The following FBXO10 variants were observed in gnomAD, a reference collection of about 807,000 sequenced individuals.
The protein encoded by FBXO10 is F-box protein 10.
In FBXO10, 39 loss-of-function variants were observed where a neutral mutation model predicts 80.7. The observed-to-expected ratio is 0.48, with a 90% CI of 0.37 to 0.63. The LOEUF (loss-of-function observed/expected upper bound fraction) is 0.63, where lower values mean the gene tolerates loss of function less well. Among genes scored for constraint, FBXO10 ranks in the 30% least tolerant of loss-of-function variants. FBXO10 has a pLI of 0.00. For missense variants in FBXO10, 1,025 were observed against 1,269.0 expected (o/e 0.81, Z 2.92); for synonymous variants, 449 against 489.6 (o/e 0.92, Z 1.09).
At position 37,516,968 on chromosome 9, in the gene FBXO10, A is replaced by AAC. The variant is rs570291597; in HGVS notation, c.2515-884_2515-883insGT. 2.9e-3 allele frequency among the ~76,000 whole-genome samples: 438 copies of AAC among 151,780 alleles called. 3 individuals carry two copies. Among genetic ancestry groups the AAC allele is most frequent in the African/African-American group, 9.1e-3 (377 of 41,334 alleles). On this transcript the variant is annotated intron_variant, in intron 9 of 10. Transcript: ENST00000432825. The stretch of plus-strand genomic sequence containing the variant: ...AGAGTGAAACTCCATCTCAAAAAAA[A>AAC]AAAAAACAAAAAAAAGGTGGTATAT...
At chr9:37,525,391 A>G (rs1821445524) in intron 5 of FBXO10, among the ~76,000 whole-genome samples, 1 of 152,120 alleles carries the variant, frequency 6.6e-6, no homozygotes, top group African/African-American at 2.4e-5. Context: ...GCATAAAAGC[A>G]TTTCCTAAAG....
chr9:37,558,935 C>T (rs537332757), intron 1 of FBXO10, among the ~76,000 whole-genome samples: 3 of 152,160 alleles, frequency 2.0e-5, no homozygotes, highest in East Asian at 3.9e-4. Flanking sequence ...CTCAGCCTCC[C>T]GAGTAGCTGC....
intron 10 of FBXO10, 73 bp from the exon 11 acceptor site, chr9:37,512,794 T>C: frequency 6.8e-7 from 1 of 1,475,764 alleles, no homozygotes; most frequent in East Asian, 2.3e-5. Flanking sequence ...TGCACAGTCT[T>C]AACTTGGGTT....
chr9:37,528,082 G>C (rs766889906), intron 5 of FBXO10, among the ~76,000 whole-genome samples: 4 of 152,182 alleles, frequency 2.6e-5, no homozygotes, highest in Non-Finnish European at 5.9e-5. Flanking sequence ...TATACTTGCT[G>C]CCCATTAATG....
intron 1 of FBXO10, among the ~76,000 whole-genome samples, chr9:37,553,660 C>CT (rs1822263540): frequency 6.6e-6 from 1 of 151,468 alleles, no homozygotes; most frequent in Non-Finnish European, 1.5e-5. Context: ...AATCCCAGCA[C>CT]TTTGGGAGGC....
At chr9:37,547,488 G>A (rs1204511190) in intron 1 of FBXO10, among the ~76,000 whole-genome samples, 1 of 152,112 alleles carries the variant, frequency 6.6e-6, no homozygotes, top group Non-Finnish European at 1.5e-5. Context: ...ACGCACAACT[G>A]TAGTCCCAGC....
chr9:37,545,483 GC>G (rs1462632778), intron 1 of FBXO10, among the ~76,000 whole-genome samples: 1 of 152,072 alleles, frequency 6.6e-6, no homozygotes, highest in Admixed American at 6.5e-5. Flanking sequence ...GGCCTCTCAG[GC>G]TTTTTAAGAG....
At chr9:37,519,274 T>C (rs1481538094) in intron 8 of FBXO10, among the ~76,000 whole-genome samples, 4 of 152,176 alleles carry the variant, frequency 2.6e-5, no homozygotes, top group Non-Finnish European at 4.4e-5. Context: ...GCGAGTAATA[T>C]GTGTCAAAAA....
At position 37,541,231 on chromosome 9, in the gene FBXO10, A is replaced by G. The variant is rs757650544; in HGVS notation, c.538T>C (p.Cys180Arg). 1.7e-5 allele frequency: 28 copies of G among 1,612,838 alleles called. 2 individuals carry two copies. The South Asian group carries it at 3.1e-4, about 18-fold the overall frequency. The change falls in exon 2 of 11, where the codon TGC becomes CGC. Residue 180 changes from cysteine to arginine, a missense_variant. Around this residue, in one of 3 missense-constraint regions of FBXO10, gnomAD observed 450 missense variants for 499.4 expected, o/e 0.90. Transcript: ENST00000432825. ...CAGGCTGGCGTGAAGACGAGGTTGC[A>G]CAGGCGTGTGGTTGAGCAGTGCTGA... is the stretch of plus-strand genomic sequence containing the variant. ...IDQHCSTTRL[C>R]NLVFTPAWFS...
chr9:37,571,105 C>A (rs1268739236), intron 1 of FBXO10, among the ~76,000 whole-genome samples: 1 of 151,830 alleles, frequency 6.6e-6, no homozygotes. Context: ...ACCCTAGAAC[C>A]ATTAAAGACA....
chr9:37,527,458 C>T (rs1821505958), intron 5 of FBXO10, among the ~76,000 whole-genome samples: 1 of 152,198 alleles, frequency 6.6e-6, no homozygotes, highest in Admixed American at 6.5e-5. Flanking sequence ...ACATTTCTCA[C>T]CATTTTCTCA....
intron 1 of FBXO10, among the ~76,000 whole-genome samples, chr9:37,566,016 A>T (rs1033906812): frequency 6.6e-6 from 1 of 152,172 alleles, no homozygotes; most frequent in Non-Finnish European, 1.5e-5. Flanking sequence ...TTCACATGGA[A>T]CACCCTTAGC....
At chr9:37,519,365 C>A (rs1331404550) in intron 8 of FBXO10, among the ~76,000 whole-genome samples, 1 of 152,124 alleles carries the variant, frequency 6.6e-6, no homozygotes, top group African/African-American at 2.4e-5. Context: ...GGAGAAAAAC[C>A]CCAAGTCAGC....
rs749603980 is a variant in FBXO10, at chr9:37,541,711, G to C, written c.58C>G (p.Leu20Val). The C allele has an allele frequency of 6.2e-7, 1 of 1,613,618 alleles. No homozygotes were observed. The highest frequency in any genetic ancestry group is 2.2e-5 in the East Asian group (1 of 44,878). ...AGGCTGCAGCGGCCCAGGTCGGGAA[G>C]GTGCAAGTAGGCTAAGATCATGCGC... ...LWRMILAYLHLPDLGRCSLVC... is the reference protein window; with the variant it reads ...LWRMILAYLHVPDLGRCSLVC... The change falls in exon 2 of 11, where the codon CTT (leucine) becomes GTT (valine). Residue 20 changes from leucine to valine, a missense_variant. Physicochemically the swap from Leu to Val is conservative, Grantham distance 32. This residue lies in a region of FBXO10 where 450 missense variants were observed against 499.4 expected (regional missense o/e 0.90). Coordinates refer to ENST00000432825, the MANE Select transcript of FBXO10 (RefSeq NM_012166.3).
chr9:37,571,890 T>C (rs1036335246), intron 1 of FBXO10, among the ~76,000 whole-genome samples: 1 of 151,552 alleles, frequency 6.6e-6, no homozygotes, highest in Admixed American at 6.6e-5. Context: ...ATCCCAGCAC[T>C]TGGGGAGGCT....
chr9:37,525,448 C>T (rs1361009502), intron 5 of FBXO10, among the ~76,000 whole-genome samples: 2 of 152,158 alleles, frequency 1.3e-5, no homozygotes, highest in African/African-American at 4.8e-5. Context: ...GTCACTGGGA[C>T]AGCTTGACCA....
chr9:37,532,278 C>T lies in FBXO10; in HGVS notation c.1420-220G>A, dbSNP rs943705022. Among the ~76,000 whole-genome samples the T allele has an allele frequency of 2.0e-5, 3 of 148,208 alleles. No individual in the cohort carries two copies. The South Asian group carries it at 6.5e-4, about 32-fold the overall frequency. On this transcript the variant is annotated intron_variant, in intron 3 of 10. Transcript: ENST00000432825. ...TGGCTTTGCCCTGCAGGCTCCTTAG[C>T]GGTCTCACATTGGTTCTTTTTTTTT...
At chr9:37,568,029 G>T (rs1168384742) in intron 1 of FBXO10, among the ~76,000 whole-genome samples, 1 of 152,112 alleles carries the variant, frequency 6.6e-6, no homozygotes, top group Non-Finnish European at 1.5e-5. Context: ...TCCATATGAG[G>T]AATGAAGCCA....
intron 1 of FBXO10, among the ~76,000 whole-genome samples, chr9:37,563,113 C>CA (rs1822522173): frequency 6.6e-6 from 1 of 152,190 alleles, no homozygotes; most frequent in Admixed American, 6.5e-5. Flanking sequence ...CTCACAAGAT[C>CA]TGATGGTTTT....
Sources: allele counts gnomAD v4.1 joint callset (sites outside exome capture counted in the v4.1 genomes callset), GRCh38; gene constraint gnomAD v4.1.1; regional missense constraint gnomAD v4.1.1; transcripts MANE v1.5; gene names NCBI Gene and HGNC (gene_info 2026-07-23, HGNC 2026-07-21).